DMD: variants seen among roughly 807,000 people sequenced by gnomAD.
DMD encodes dystrophin.
In DMD, 63 loss-of-function variants were observed where a neutral mutation model predicts 330.1. That is an observed-to-expected ratio of 0.19 (90% CI 0.16 to 0.24). The LOEUF (loss-of-function observed/expected upper bound fraction) is 0.24, where lower values mean the gene tolerates loss of function less well. Ranked by LOEUF, DMD falls within the 10% of genes least tolerant of loss-of-function variation. DMD has a pLI of 1.00. For synonymous variants in DMD, 1,223 were observed against 959.8 expected, an observed-to-expected ratio of 1.27 and a Z score of -5.07; for missense variants, 3,344 against 2,684.1, an observed-to-expected ratio of 1.25 and a Z score of -5.43.
At chrX:32,729,343 G>C (rs1049408169) in intron 7 of DMD, among the ~76,000 whole-genome samples, 2 of 112,065 alleles carry the variant, frequency 1.8e-5, no homozygotes, top group Non-Finnish European at 3.8e-5. Context: ...TTTTATTATA[G>C]GGAAAGCTAA....
At chrX:32,975,234 T>G (rs2092506179) in intron 2 of DMD, among the ~76,000 whole-genome samples, 1 of 110,890 alleles carries the variant, frequency 9.0e-6, no homozygotes, top group Non-Finnish European at 1.9e-5. Context: ...AATAGTTGTC[T>G]TGATGGACTA....
At chrX:32,201,185 C>T (rs769816646) in intron 44 of DMD, among the ~76,000 whole-genome samples, 2 of 111,487 alleles carry the variant, frequency 1.8e-5, no homozygotes, top group South Asian at 7.5e-4. Flanking sequence ...ATAAATTTGG[C>T]GCAGTTAAGA....
chrX:32,216,715 C>T (rs1034260461), intron 44 of DMD, among the ~76,000 whole-genome samples: 6 of 111,258 alleles, frequency 5.4e-5, no homozygotes, highest in African/African-American at 2.0e-4. Flanking sequence ...TCCAGGCAAA[C>T]TCTCTCATCC....
chrX:31,713,698 A>G (rs1410309890), intron 52 of DMD, among the ~76,000 whole-genome samples: 3 of 111,480 alleles, frequency 2.7e-5, no homozygotes, highest in Non-Finnish European at 3.8e-5. Flanking sequence ...TATCCTATCT[A>G]ATATTATACT....
intron 7 of DMD, among the ~76,000 whole-genome samples, chrX:32,779,909 T>C (rs942224997): frequency 5.4e-5 from 6 of 111,837 alleles, no homozygotes; most frequent in African/African-American, 2.0e-4. Context: ...ATTCAAGATA[T>C]TCTTGGGAAA....
intron 48 of DMD, among the ~76,000 whole-genome samples, chrX:31,861,343 C>T (rs1000227166): frequency 3.6e-5 from 4 of 110,457 alleles, no homozygotes; most frequent in African/African-American, 1.3e-4. Context: ...CTAATACTGA[C>T]GAGATGTTCT....
Position 32,446,535 on chromosome X carries a change from G to C in DMD, c.3786+1921C>G, listed in dbSNP as rs1301706421. ...CATTTGCTACTCACACTCAAGGAAA[G>C]AGCAAGAAAGAAACTGAACACAGAA... On this transcript the variant is annotated intron_variant, in intron 27 of 78. Transcript: ENST00000357033. Among the ~76,000 whole-genome samples the C allele has an allele frequency of 3.6e-5, 4 of 110,197 alleles. No individual in the cohort carries two copies. The Admixed American group carries it at 3.9e-4, about 11-fold the overall frequency.
chrX:32,996,695 T>C (rs2093129525), intron 2 of DMD, among the ~76,000 whole-genome samples: 2 of 110,428 alleles, frequency 1.8e-5, no homozygotes. Flanking sequence ...CACACACCTG[T>C]AGTCCCAGCT....
chrX:33,066,011 G>C (rs764679395), intron 1 of DMD, among the ~76,000 whole-genome samples: 14 of 108,599 alleles, frequency 1.3e-4, no homozygotes, highest in African/African-American at 4.4e-4. Flanking sequence ...TTCATGAATT[G>C]ACACAACTAA....
In DMD at chrX:32,185,173, G is replaced by C. The variant is rs775195700; in HGVS notation, c.6438+31743C>G. On this transcript the variant is annotated intron_variant, in intron 44 of 78. Transcript: ENST00000357033. The stretch of plus-strand genomic sequence containing the variant: ...GGTATTTGTGCCTGAATATAATTCT[G>C]AACTCCCTCTTTTCTACCTTCTAGG... Among the ~76,000 whole-genome samples, 176 of 111,268 alleles carry C rather than the reference G, an allele frequency of 1.6e-3. 1 individual carries two copies. The highest frequency in any genetic ancestry group is 4.7e-3 in the Middle Eastern group (1 of 215).
intron 54 of DMD, among the ~76,000 whole-genome samples, chrX:31,656,019 T>A (rs919370766): frequency 1.8e-5 from 2 of 112,062 alleles, no homozygotes; most frequent in Non-Finnish European, 3.8e-5. Flanking sequence ...AGGATCTACA[T>A]GTCTAAAACT....
Position 31,709,640 on chromosome X carries a change from G to A in DMD, c.7660+19991C>T, listed in dbSNP as rs757460500. ...TGGTGTGTCAGAGAGAAATATTTGC[G>A]TTTGGGGTCCTTATTTCATTTAAGT... is the stretch of plus-strand genomic sequence containing the variant. On this transcript the variant is annotated intron_variant, in intron 52 of 78. Transcript: ENST00000357033. 7.1e-4 allele frequency among the ~76,000 whole-genome samples: 76 copies of A among 107,056 alleles called. No individual in the cohort carries two copies. The South Asian group carries it at 0.013, about 18-fold the overall frequency. 93.0% of individuals were successfully genotyped at this position (107,056 alleles called of 115,157 possible).
intron 60 of DMD, among the ~76,000 whole-genome samples, chrX:31,355,654 A>G (rs200378049): frequency 9.0e-6 from 1 of 111,437 alleles, no homozygotes; most frequent in East Asian, 2.8e-4. Flanking sequence ...TTCTGTGTGC[A>G]TGTGTCTGTG....
chrX:31,330,113 A>T (rs1192874180), intron 61 of DMD, among the ~76,000 whole-genome samples: 2 of 109,906 alleles, frequency 1.8e-5, no homozygotes, highest in East Asian at 5.6e-4. Context: ...GACTGTGGCA[A>T]TAGTATCTTG....
At chrX:31,361,950 T>C (rs2058962612) in intron 60 of DMD, among the ~76,000 whole-genome samples, 1 of 111,535 alleles carries the variant, frequency 9.0e-6, no homozygotes, top group South Asian at 3.8e-4. Context: ...TTGTATTTTT[T>C]AGAAGAGATG....
At position 31,134,147 on chromosome X, in the gene DMD, C is replaced by G; in HGVS notation, c.10969G>C (p.Glu3657Gln). The G allele has an allele frequency of 8.3e-7, 1 of 1,211,637 alleles. No individual in the cohort carries two copies. The highest frequency in any genetic ancestry group is 1.1e-6 in the Non-Finnish European group (1 of 895,435). Reference sequence around the variant, plus strand: ...TTGTTGAGTTGCTCCATCACCTCCTCTAACCCTGTGCTTGTGTCCTGGGGA... The same window carrying G: ...TTGTTGAGTTGCTCCATCACCTCCTGTAACCCTGTGCTTGTGTCCTGGGGA... ...SPPQDTSTGL[E>Q]EVMEQLNNSF... The change falls in exon 77 of 79, where the codon GAG becomes CAG. Residue 3657 changes from glutamate (E) to glutamine (Q), a missense_variant. By Grantham distance (29) the Glu-to-Gln change is conservative. Coordinates refer to ENST00000357033, the MANE Select transcript of DMD (RefSeq NM_004006.3).
intron 44 of DMD, among the ~76,000 whole-genome samples, chrX:31,971,249 A>T (rs907618950): frequency 1.2e-4 from 13 of 112,133 alleles, no homozygotes; most frequent in African/African-American, 4.2e-4. Context: ...ATAATGCTAT[A>T]AACTAATGCT....
chrX:32,222,162 C>A (rs2097134020), intron 43 of DMD, among the ~76,000 whole-genome samples: 1 of 112,017 alleles, frequency 8.9e-6, no homozygotes, highest in Admixed American at 9.5e-5. Context: ...AAGAAATCTT[C>A]ATACTGTTTT....
At chrX:32,641,404 ATACG>A (rs1404782909) in intron 11 of DMD, 1 of 76,923 alleles carries the variant, frequency 1.3e-5, no homozygotes, top group African/African-American at 7.0e-5. Context: ...TGTGTATTTT[ATACG>A]TATATATATA....
Sources: gnomAD v4.1 joint callset for allele counts (sites outside exome capture counted in the v4.1 genomes callset) on GRCh38, gnomAD v4.1.1 for gene constraint, MANE v1.5 for transcripts, NCBI Gene and HGNC (gene_info 2026-07-23, HGNC 2026-07-21) for gene names.